The following MICU1 variants were observed in gnomAD, a reference collection of about 807,000 sequenced individuals.
MICU1 encodes calcium uptake protein 1, mitochondrial.
MICU1 carries 45 observed loss-of-function variants against 56.8 expected under a neutral mutation model. That is an observed-to-expected ratio of 0.79 (90% CI 0.62 to 1.02). The LOEUF is 1.02. MICU1 is among the 50% of genes least tolerant of loss of function. The probability of loss-of-function intolerance (pLI) is 0.00; values close to 1 mark genes in which losing one functional copy is unlikely to be tolerated. For synonymous variants in MICU1, 186 were observed against 195.1 expected, an observed-to-expected ratio of 0.95 and a Z score of 0.39; for missense variants, 504 against 587.1, an observed-to-expected ratio of 0.86 and a Z score of 1.46.
At chr10:72,517,721 T>C (rs1215152555) in intron 5 of MICU1, among the ~76,000 whole-genome samples, 1 of 151,652 alleles carries the variant, frequency 6.6e-6, no homozygotes, top group African/African-American at 2.4e-5. Context: ...AAATCACCAC[T>C]AAAGAACTTA....
chr10:72,441,520 T>G (rs1864927093), intron 8 of MICU1, among the ~76,000 whole-genome samples: 1 of 149,532 alleles, frequency 6.7e-6, no homozygotes, highest in African/African-American at 2.5e-5. Flanking sequence ...AAACCTGCAT[T>G]GTGCACATGT....
At chr10:72,556,322 A>G (rs905534913) in intron 3 of MICU1, among the ~76,000 whole-genome samples, 2 of 152,160 alleles carry the variant, frequency 1.3e-5, no homozygotes, top group African/African-American at 4.8e-5. Flanking sequence ...AATAATATAC[A>G]TAAATTCCAA....
chr10:72,385,533 G>C (rs1038107267), intron 10 of MICU1, among the ~76,000 whole-genome samples: 10 of 152,004 alleles, frequency 6.6e-5, no homozygotes, highest in Middle Eastern at 6.8e-3. Context: ...ACAAAGTAAG[G>C]GTTTAAACAA....
intron 5 of MICU1, among the ~76,000 whole-genome samples, chr10:72,526,305 T>C (rs1272347149): frequency 6.7e-6 from 1 of 149,486 alleles, no homozygotes; most frequent in African/African-American, 2.5e-5. Flanking sequence ...AATTACATTC[T>C]TTTTTTTTTA....
chr10:72,600,154 T>C (rs1258829866), intron 1 of MICU1, among the ~76,000 whole-genome samples: 2 of 150,708 alleles, frequency 1.3e-5, no homozygotes, highest in Non-Finnish European at 3.0e-5. Context: ...TAGCGGGACA[T>C]GATGGTGGGC....
chr10:72,557,000 A>G (rs1054275567), intron 3 of MICU1, among the ~76,000 whole-genome samples: 30 of 152,126 alleles, frequency 2.0e-4, no homozygotes, highest in African/African-American at 7.0e-4. Flanking sequence ...CAGGAGGCGG[A>G]GGATGCAGTG....
intron 4 of MICU1, among the ~76,000 whole-genome samples, chr10:72,534,118 A>G (rs749397102): frequency 2.0e-5 from 3 of 151,522 alleles, no homozygotes; most frequent in Non-Finnish European, 1.5e-5. Context: ...ATTACTTTTC[A>G]TTTAGGTAAG....
rs532023016 is a variant in MICU1, at chr10:72,512,433, T to C, written c.538-4164A>G. Among the ~76,000 whole-genome samples the C allele has an allele frequency of 1.2e-4, 18 of 152,264 alleles. No individual in the cohort carries two copies. The South Asian group carries it at 3.7e-3, about 32-fold the overall frequency. ...CCATACACAGCTCCTTAAGCCATAC[T>C]TAACTCCCAAATAAAGATAACAAGG... On this transcript the variant is annotated intron_variant, in intron 5 of 11. Coordinates refer to ENST00000361114, the MANE Select transcript of MICU1 (RefSeq NM_001195518.2).
chr10:72,445,551 T>C (rs1865079445), intron 8 of MICU1, among the ~76,000 whole-genome samples: 1 of 152,200 alleles, frequency 6.6e-6, no homozygotes, highest in African/African-American at 2.4e-5. Flanking sequence ...GCTTGGTAGC[T>C]TCTGGGAAAT....
At chr10:72,402,367 A>G (rs1217023674) in intron 10 of MICU1, among the ~76,000 whole-genome samples, 1 of 152,202 alleles carries the variant, frequency 6.6e-6, no homozygotes, top group Admixed American at 6.5e-5. Flanking sequence ...TCTGTGATAC[A>G]AAGAACAATG....
intron 1 of MICU1, among the ~76,000 whole-genome samples, chr10:72,573,799 C>T (rs1405143984): frequency 6.6e-6 from 1 of 152,162 alleles, no homozygotes; most frequent in Admixed American, 6.5e-5. Context: ...CAGGAACTGT[C>T]ACTTACCAGC....
intron 2 of MICU1, 123 bp downstream of exon 2, chr10:72,566,510 C>T (rs1840442526): frequency 1.0e-6 from 1 of 982,686 alleles, no homozygotes; most frequent in East Asian, 2.7e-5. Flanking sequence ...ATTAACAATA[C>T]CAAATGATCC....
intron 8 of MICU1, among the ~76,000 whole-genome samples, chr10:72,446,886 A>T (rs1163616112): frequency 1.3e-5 from 2 of 152,208 alleles, no homozygotes; most frequent in African/African-American, 4.8e-5. Flanking sequence ...TTGTGGTCAC[A>T]CTTGCTTCTG....
At chr10:72,409,091 C>T (rs1863725082) in intron 9 of MICU1, among the ~76,000 whole-genome samples, 1 of 152,104 alleles carries the variant, frequency 6.6e-6, no homozygotes, top group African/African-American at 2.4e-5. Context: ...CCGCTTCCCA[C>T]ACATCATGCT....
rs200947530 is a variant in MICU1 at position 72,498,061 on chromosome 10, T to A, written c.652+10094A>T. On this transcript the variant is annotated intron_variant, in intron 6 of 11. Coordinates refer to ENST00000361114, the MANE Select transcript of MICU1 (RefSeq NM_001195518.2). ...TTTCTGTAGCTGTTATGGGACACCA[T>A]CATTCATTCATGATTTAATGTGAAC... 2.0e-5 allele frequency among the ~76,000 whole-genome samples: 3 copies of A among 152,356 alleles called. No homozygotes were observed. In the South Asian group the frequency reaches 6.2e-4, roughly 32 times the overall value.
At chr10:72,529,674 TAAA>T (rs1839419055) in intron 5 of MICU1, among the ~76,000 whole-genome samples, 1 of 151,786 alleles carries the variant, frequency 6.6e-6, no homozygotes, top group South Asian at 2.1e-4. Context: ...AATGGGAAAA[TAAA>T]GAAGGCTACA....
At chr10:72,576,011 C>T (rs760859862) in intron 1 of MICU1, among the ~76,000 whole-genome samples, 2 of 151,942 alleles carry the variant, frequency 1.3e-5, no homozygotes, top group African/African-American at 2.4e-5. Flanking sequence ...GTCAGGAGTT[C>T]GAGATCAGCC....
intron 10 of MICU1, among the ~76,000 whole-genome samples, chr10:72,384,978 C>T (rs1361275844): frequency 6.6e-6 from 1 of 152,100 alleles, no homozygotes; most frequent in Non-Finnish European, 1.5e-5. Context: ...TGCCTTCCTG[C>T]CATGTCTTGG....
intron 8 of MICU1, among the ~76,000 whole-genome samples, chr10:72,458,878 C>A (rs1865558871): frequency 1.0e-5 from 1 of 99,120 alleles, no homozygotes; most frequent in Non-Finnish European, 2.1e-5. Flanking sequence ...ACCCAGCTAC[C>A]ATTTTTTTTT....
Sources: gnomAD v4.1 joint callset for allele counts (sites outside exome capture counted in the v4.1 genomes callset) on GRCh38, gnomAD v4.1.1 for gene constraint, MANE v1.5 for transcripts, NCBI Gene and HGNC (gene_info 2026-07-23, HGNC 2026-07-21) for gene names.